Variants in GARNL3 observed in about 807,000 individuals in gnomAD.
The protein encoded by GARNL3 is GTPase-activating Rap/Ran-GAP domain-like protein 3.
GARNL3 carries 63 observed loss-of-function variants against 125.0 expected under a neutral mutation model. The ratio of observed to expected loss-of-function variants is 0.50; its 90% CI spans 0.41 to 0.62. The LOEUF is 0.62. Ranked by LOEUF, GARNL3 falls within the 20% of genes least tolerant of loss-of-function variation. The probability of loss-of-function intolerance (pLI) is 0.00; values close to 1 mark genes in which losing one functional copy is unlikely to be tolerated. For synonymous variants in GARNL3, 439 were observed against 457.5 expected (o/e 0.96, Z 0.52); for missense variants, 994 against 1,244.0 (o/e 0.80, Z 3.02).
At chr9:127,226,698 A>C (rs2062919779) in intron 1 of GARNL3, among the ~76,000 whole-genome samples, 1 of 152,206 alleles carries the variant, frequency 6.6e-6, no homozygotes, top group African/African-American at 2.4e-5. Flanking sequence ...TTGCTGTATT[A>C]ATAATCTGTG....
rs112604335 is a variant in GARNL3 at position 127,348,414 on chromosome 9, TTGTATCTTA to T, written c.1432-506_1432-498del. Among the ~76,000 whole-genome samples, 151 of 152,374 alleles carry T rather than the reference TTGTATCTTA, an allele frequency of 9.9e-4. 1 individual carries two copies. The highest frequency in any genetic ancestry group is 3.5e-3 in the African/African-American group (144 of 41,590). On this transcript the variant is annotated intron_variant, in intron 16 of 27. Transcript: ENST00000373387. ...CAGATGTTATTTTTTCTTTAAGATT[TTGTATCTTA>T]TGTGGGTCAATAGGCATTTTCACGT...
chr9:127,291,975 A>G (rs1009928078), intron 2 of GARNL3, among the ~76,000 whole-genome samples: 3 of 152,104 alleles, frequency 2.0e-5, no homozygotes, highest in Non-Finnish European at 2.9e-5. Flanking sequence ...TCAGTGAGCT[A>G]TGTTTGTGAA....
At chr9:127,374,693 G>A (rs1025275011) in intron 22 of GARNL3, among the ~76,000 whole-genome samples, 4 of 152,094 alleles carry the variant, frequency 2.6e-5, no homozygotes, top group Non-Finnish European at 4.4e-5. Flanking sequence ...ACTTGATGAG[G>A]TAGTCCATCA....
rs186325938 is a variant in GARNL3, at chr9:127,238,714, C to T, written c.-28-4365C>T. Among the ~76,000 whole-genome samples the T allele has an allele frequency of 9.4e-4, 143 of 152,132 alleles. 2 individuals carry two copies. The highest frequency in any genetic ancestry group is 6.8e-3 in the Middle Eastern group (2 of 294). ...GAAATCTGCCTATTGCAGTATTGGA[C>T]GTTTTGAGAGAAGCTTTGTTCTCTT... On this transcript the variant is annotated intron_variant, in intron 1 of 10. Transcript: ENST00000439286.
chr9:127,335,940 A>G (rs1237294308), intron 10 of GARNL3, among the ~76,000 whole-genome samples, 188 bp from the exon 11 acceptor site: 1 of 152,194 alleles, frequency 6.6e-6, no homozygotes, highest in Non-Finnish European at 1.5e-5. Context: ...AGACAGGAGC[A>G]GAGGAGATGG....
At chr9:127,359,180 T>G (rs1324593390) in intron 21 of GARNL3, among the ~76,000 whole-genome samples, 3 of 151,656 alleles carry the variant, frequency 2.0e-5, no homozygotes, top group African/African-American at 7.3e-5. Flanking sequence ...GGAGCCCTGA[T>G]TTGTACTTTA....
In GARNL3 at chr9:127,241,749, TTTTGTTTG is replaced by T. The variant is rs139658317; in HGVS notation, c.-28-1314_-28-1307del. ...TCATTAGAGTGACTTTTTTGAGGTT[TTTTGTTTG>T]TTTGTTTGTTTGTTTTGTTTTGTTT... is the stretch of plus-strand genomic sequence containing the variant. On this transcript the variant is annotated intron_variant, in intron 1 of 10. Coordinates refer to the GARNL3 transcript ENST00000439286. 8.4e-4 allele frequency among the ~76,000 whole-genome samples: 127 copies of T among 151,550 alleles called. 1 individual carries two copies. The highest frequency in any genetic ancestry group is 2.8e-3 in the African/African-American group (116 of 40,988).
At chr9:127,298,048 G>A (rs566423016) in intron 2 of GARNL3, among the ~76,000 whole-genome samples, 1 of 152,236 alleles carries the variant, frequency 6.6e-6, no homozygotes, top group South Asian at 2.1e-4. Flanking sequence ...ATTTATAGCC[G>A]GAACAAAAAC....
At chr9:127,307,162 T>C (rs935624428) in intron 2 of GARNL3, among the ~76,000 whole-genome samples, 1 of 152,238 alleles carries the variant, frequency 6.6e-6, no homozygotes, top group Non-Finnish European at 1.5e-5. Flanking sequence ...TATATTTGTT[T>C]TGCCCCATCC....
intron 22 of GARNL3, among the ~76,000 whole-genome samples, chr9:127,375,261 A>C (rs917394209): frequency 1.3e-5 from 2 of 152,112 alleles, no homozygotes; most frequent in African/African-American, 4.8e-5. Flanking sequence ...TTAGGAGTTC[A>C]AGACCAGCCT....
chr9:127,391,457 G>A (rs1298031055), intron 27 of GARNL3, among the ~76,000 whole-genome samples: 1 of 140,494 alleles, frequency 7.1e-6, no homozygotes, highest in East Asian at 2.0e-4. Context: ...GGGAGGATGA[G>A]AAGAGAAGGT....
chr9:127,308,176 A>C (rs2065007213), intron 2 of GARNL3, among the ~76,000 whole-genome samples: 1 of 152,266 alleles, frequency 6.6e-6, no homozygotes, highest in Non-Finnish European at 1.5e-5. Flanking sequence ...TAGGTAATCA[A>C]AATTAACATC....
At chr9:127,358,724 A>G (rs961334146) in intron 21 of GARNL3, among the ~76,000 whole-genome samples, 6 of 152,192 alleles carry the variant, frequency 3.9e-5, no homozygotes, top group Non-Finnish European at 5.9e-5. Context: ...CTTGTCTGCA[A>G]TTGGAGTCAT....
At chr9:127,371,408 T>G (rs1831600131) in intron 22 of GARNL3, among the ~76,000 whole-genome samples, 1 of 152,186 alleles carries the variant, frequency 6.6e-6, no homozygotes, top group Non-Finnish European at 1.5e-5. Context: ...TTCCAGAGAT[T>G]CCTGGAGACA....
intron 9 of GARNL3, 129 bp downstream of exon 9, chr9:127,333,250 C>A: frequency 1.4e-6 from 1 of 693,372 alleles, no homozygotes. Flanking sequence ...GAGGTGAGCT[C>A]CACACCCTGT....
rs1832493874 is a variant in GARNL3, at chr9:127,385,436, G to A, written c.2388+291G>A. On this transcript the variant is annotated intron_variant, in intron 24 of 27. Transcript: ENST00000373387. The surrounding 1 kb of genome is among the most constrained non-coding windows in gnomAD (Gnocchi z 4.1). ...ATATCCCCGCTCAGAGACTGGGTCA[G>A]TTATTCATGTCACTGCTGCCCTGGA... is the stretch of plus-strand genomic sequence containing the variant. Among the ~76,000 whole-genome samples, 1 of 152,192 alleles carries A rather than the reference G, an allele frequency of 6.6e-6. No homozygotes were observed. The highest frequency in any genetic ancestry group is 6.5e-5 in the Admixed American group (1 of 15,280).
intron 1 of GARNL3, among the ~76,000 whole-genome samples, chr9:127,281,769 T>C (rs546314674): frequency 6.6e-6 from 1 of 152,330 alleles, no homozygotes; most frequent in African/African-American, 2.4e-5. Flanking sequence ...TCTCACCCCC[T>C]CTTTTTGATG....
chr9:127,245,646 C>T (rs1312945523), intron 2 of GARNL3, among the ~76,000 whole-genome samples: 2 of 152,208 alleles, frequency 1.3e-5, no homozygotes, highest in Admixed American at 1.3e-4. Context: ...TTGTGGGCCG[C>T]CTATTCATTA....
At chr9:127,262,185 G>C (rs147510275), upstream of GARNL3, among the ~76,000 whole-genome samples, 3 of 152,322 alleles carry the variant, frequency 2.0e-5, no homozygotes, top group East Asian at 5.8e-4. Context: ...ACCTACTTCT[G>C]TATTAGTTCA....
Sources: allele counts gnomAD v4.1 joint callset (sites outside exome capture counted in the v4.1 genomes callset), GRCh38; gene constraint gnomAD v4.1.1; non-coding constraint Gnocchi (gnomAD v3.1); transcripts MANE v1.5; gene names NCBI Gene and HGNC (gene_info 2026-07-23, HGNC 2026-07-21).